The following RNF130 variants were observed in gnomAD, a reference collection of about 807,000 sequenced individuals.
RNF130 encodes ring finger protein 130.
Under a neutral mutation model 44.6 loss-of-function variants are expected in RNF130, and 21 were observed. That is an observed-to-expected ratio of 0.47 (90% confidence interval 0.33 to 0.68). The LOEUF is 0.68. Among genes scored for constraint, RNF130 ranks in the 30% least tolerant of loss-of-function variants. The pLI is 0.02. For missense variants in RNF130, 479 were observed against 560.6 expected, an observed-to-expected ratio of 0.85 and a Z score of 1.47; for synonymous variants, 214 against 210.4, an observed-to-expected ratio of 1.02 and a Z score of -0.15.
intron 1 of RNF130, among the ~76,000 whole-genome samples, chr5:180,061,107 A>G (rs538278138): frequency 1.4e-5 from 2 of 146,850 alleles, no homozygotes; most frequent in Admixed American, 1.4e-4. Flanking sequence ...ATGTTCATGC[A>G]TTCACTAGTG....
chr5:179,974,017 C>T (rs965391767), intron 5 of RNF130, among the ~76,000 whole-genome samples: 1 of 152,128 alleles, frequency 6.6e-6, no homozygotes, highest in Non-Finnish European at 1.5e-5. Flanking sequence ...CTAGAGTGAG[C>T]AGAAGAGTGC....
intron 2 of RNF130, among the ~76,000 whole-genome samples, chr5:180,024,882 G>A (rs1043861706): frequency 2.0e-5 from 3 of 152,148 alleles, no homozygotes; most frequent in Non-Finnish European, 4.4e-5. Context: ...GTCTCAACAG[G>A]GGCAGTAAAG....
intron 7 of RNF130, among the ~76,000 whole-genome samples, chr5:179,936,753 G>C (rs1277586416): frequency 6.6e-6 from 1 of 152,104 alleles, no homozygotes; most frequent in African/African-American, 2.4e-5. Flanking sequence ...AGGCAGCATG[G>C]TACTGCCATA....
chr5:180,057,701 C>T (rs549491898), intron 1 of RNF130, among the ~76,000 whole-genome samples: 1 of 152,208 alleles, frequency 6.6e-6, no homozygotes, highest in Non-Finnish European at 1.5e-5. Context: ...CCCTTCCAGA[C>T]CTTACCCTAT....
At chr5:179,969,215 G>A (rs1033722326) in intron 6 of RNF130, among the ~76,000 whole-genome samples, 1 of 151,974 alleles carries the variant, frequency 6.6e-6, no homozygotes, top group Admixed American at 6.5e-5. Context: ...AAGGGCTAAC[G>A]AAGGTCCTTG....
intron 1 of RNF130, among the ~76,000 whole-genome samples, chr5:180,049,156 A>C (rs1347046380): frequency 2.0e-5 from 3 of 152,224 alleles, no homozygotes; most frequent in Admixed American, 2.0e-4. Flanking sequence ...CCCACCAAAA[A>C]GGACAAAACC....
rs752021870 is a variant in RNF130 at position 179,970,491 on chromosome 5, T to C, written c.864A>G (p.Lys288=). Residue 288 remains lysine (K), a synonymous_variant, in exon 6 of 9, where the codon AAA becomes AAG. Transcript: ENST00000521389. The part of the protein sequence containing the change: ...RILPCKHVFH[K]SCVDPWLSEH... Reference sequence around the variant, plus strand: ...CACTAAGCCAGGGATCCACGCAGGATTTGTGGAAAACATGCCTATAAAATA... The same window carrying C: ...CACTAAGCCAGGGATCCACGCAGGACTTGTGGAAAACATGCCTATAAAATA... 1.2e-6 allele frequency: 2 copies of C among 1,613,316 alleles called. No individual in the cohort carries two copies. Among genetic ancestry groups the C allele is most frequent in the Non-Finnish European group, 1.7e-6 (2 of 1,179,562 alleles).
intron 1 of RNF130, among the ~76,000 whole-genome samples, chr5:180,065,106 A>C (rs1765071186): frequency 2.6e-5 from 4 of 151,370 alleles, no homozygotes; most frequent in African/African-American, 4.9e-5. Flanking sequence ...CTTGGAATTC[A>C]TTTTGTTCTT....
intron 7 of RNF130, among the ~76,000 whole-genome samples, chr5:179,936,527 C>A (rs1761893399): frequency 6.6e-6 from 1 of 152,172 alleles, no homozygotes; most frequent in South Asian, 2.1e-4. Flanking sequence ...CCACACCTAG[C>A]CAACTTTATT....
chr5:179,992,901 T>A (rs1388937269), intron 3 of RNF130, among the ~76,000 whole-genome samples: 1 of 152,088 alleles, frequency 6.6e-6, no homozygotes, highest in Admixed American at 6.6e-5. Context: ...CAGGCCCCAG[T>A]GTGTGATGTT....
intron 2 of RNF130, among the ~76,000 whole-genome samples, chr5:180,023,442 T>C (rs1763917751): frequency 6.6e-6 from 1 of 152,072 alleles, no homozygotes; most frequent in African/African-American, 2.4e-5. Flanking sequence ...ACTGATAAAG[T>C]TCAATAATGC....
At chr5:180,034,155 C>T (rs543786162) in intron 2 of RNF130, among the ~76,000 whole-genome samples, 20 of 149,756 alleles carry the variant, frequency 1.3e-4, no homozygotes, top group South Asian at 4.2e-4. Flanking sequence ...CTGCACCTAC[C>T]GAAAATGGTT....
In RNF130 at chr5:179,955,641, GGTT is replaced by G. The variant is rs554358717; in HGVS notation, c.*10_*12del. 151 of 1,583,946 alleles carry G rather than the reference GGTT, an allele frequency of 9.5e-5. No individual in the cohort carries two copies. The highest frequency in any genetic ancestry group is 1.7e-4 in the Middle Eastern group (1 of 5,930). On this transcript the variant is annotated 3_prime_UTR_variant, in exon 9 of 9. Transcript: ENST00000521389. ...TCAAGGCAAAATCAGTCAGAAAGCA[GGTT>G]TTTTCTTCTTCAAAACCATTCTACC...
chr5:180,055,890 C>T (rs775370972), intron 1 of RNF130, among the ~76,000 whole-genome samples: 24 of 151,912 alleles, frequency 1.6e-4, no homozygotes, highest in Non-Finnish European at 2.8e-4. Context: ...TCAAGACCAC[C>T]CTGGCCAACA....
At position 179,970,460 on chromosome 5, in the gene RNF130, A is replaced by C; in HGVS notation, c.895T>G (p.Cys299Gly). 2 of 1,613,808 alleles carry C rather than the reference A, an allele frequency of 1.2e-6. No homozygotes were observed. The highest frequency in any genetic ancestry group is 1.7e-6 in the Non-Finnish European group (2 of 1,179,838). ...TTAAGTTTGCACATAGGACAGGTAC[A>C]ATGTTCACTAAGCCAGGGATCCACG... The part of the protein sequence containing the change: ...SCVDPWLSEH[C>G]TCPMCKLNIL... Residue 299 changes from cysteine to glycine, a missense_variant, in exon 6 of 9, where the codon TGT (cysteine) becomes GGT (glycine). Transcript: ENST00000521389.
At chr5:179,989,267 C>T (rs1763023264) in intron 3 of RNF130, among the ~76,000 whole-genome samples, 1 of 152,156 alleles carries the variant, frequency 6.6e-6, no homozygotes, top group Non-Finnish European at 1.5e-5. Context: ...CTGGGTCCCT[C>T]ACATGACACA....
intron 3 of RNF130, among the ~76,000 whole-genome samples, chr5:179,986,656 G>C (rs750475159): frequency 1.3e-5 from 2 of 152,114 alleles, no homozygotes; most frequent in Non-Finnish European, 2.9e-5. Flanking sequence ...AATTTTATGC[G>C]GTTATGATTT....
chr5:179,974,435 C>T (rs779034214), intron 5 of RNF130, among the ~76,000 whole-genome samples: 1 of 152,228 alleles, frequency 6.6e-6, no homozygotes, highest in Non-Finnish European at 1.5e-5. Flanking sequence ...GATCACTGAG[C>T]CGAGGAGGAG....
intron 3 of RNF130, among the ~76,000 whole-genome samples, chr5:180,002,116 T>A (rs1406578588): frequency 2.0e-5 from 3 of 152,212 alleles, no homozygotes; most frequent in Non-Finnish European, 2.9e-5. Flanking sequence ...GGTACTGGGA[T>A]GTGTGATCAC....
Sources: allele counts gnomAD v4.1 joint callset (sites outside exome capture counted in the v4.1 genomes callset), GRCh38; gene constraint gnomAD v4.1.1; transcripts MANE v1.5; gene names NCBI Gene and HGNC (gene_info 2026-07-23, HGNC 2026-07-21).